THBS2: variants seen among roughly 807,000 people sequenced by gnomAD.
THBS2 encodes thrombospondin 2, also known as thrombospondin-2.
In THBS2, 47 loss-of-function variants were observed where a neutral mutation model predicts 135.2. The observed-to-expected ratio is 0.35, with a 90% CI of 0.28 to 0.44. The LOEUF (loss-of-function observed/expected upper bound fraction) is 0.44. Ranked by LOEUF, THBS2 falls within the 20% of genes least tolerant of loss-of-function variation. THBS2 has a pLI of 1.00. For synonymous variants in THBS2, 639 were observed against 633.8 expected (o/e 1.01, Z -0.12); for missense variants, 1,288 against 1,603.1 (o/e 0.80, Z 3.36).
In THBS2 at chr6:169,215,983, A is replaced by G. The variant is rs907567320; in HGVS notation, c.*1839T>C. 1 of 152,514 alleles carries G rather than the reference A, an allele frequency of 6.6e-6. No homozygotes were observed. The highest frequency in any genetic ancestry group is 1.5e-5 in the Non-Finnish European group (1 of 68,042). The allele number at this position is 152,514 out of a possible 1,614,324, so 9.4% of individuals were successfully genotyped here. A position where few individuals can be genotyped will look rare whatever the true frequency, so the allele number is the denominator to read the frequency against. On this transcript the variant is annotated 3_prime_UTR_variant, in exon 22 of 22. Transcript: ENST00000617924. ...GAAAAACATAAATAATTTACAAAAA[A>G]TATGGTACATTCTAAATACTCACAT...
chr6:169,246,718 A>G (rs1780566846), intron 3 of THBS2, among the ~76,000 whole-genome samples: 1 of 152,160 alleles, frequency 6.6e-6, no homozygotes, highest in African/African-American at 2.4e-5. Context: ...GGCCTGCAGG[A>G]GCGCCTTCCG....
intron 20 of THBS2, 117 bp downstream of exon 20, chr6:169,221,313 T>A (rs1452529844): frequency 1.2e-6 from 1 of 852,524 alleles, no homozygotes; most frequent in Non-Finnish European, 1.9e-6. Flanking sequence ...TGACGAAGAA[T>A]CCAGAGTAAA....
At chr6:169,218,232 GTGGC>G (rs976862000) in intron 21 of THBS2, among the ~76,000 whole-genome samples, 6 of 145,192 alleles carry the variant, frequency 4.1e-5, no homozygotes, top group Admixed American at 3.4e-4. Context: ...AGATGGTTGG[GTGGC>G]TGGATGAGAT....
chr6:169,232,535 G>A (rs759610698), intron 12 of THBS2, 129 bp downstream of exon 12: 90 of 1,444,920 alleles, frequency 6.2e-5, no homozygotes, highest in Non-Finnish European at 7.7e-5. Flanking sequence ...CAGCTTCCCC[G>A]GGCCAGCCCC....
Position 169,248,603 on chromosome 6 carries a change from G to C in THBS2, c.423C>G (p.Asp141Glu), listed in dbSNP as rs373775267. The change falls in exon 3 of 22, where the codon GAC becomes GAG. Residue 141 changes from aspartate (D) to glutamate (E), a missense_variant. Physicochemically the swap from Asp to Glu is conservative, Grantham distance 45. Around this residue, in one of 2 missense-constraint regions of THBS2, gnomAD observed 414 missense variants for 447.0 expected, o/e 0.93. Coordinates refer to ENST00000617924, the MANE Select transcript of THBS2 (RefSeq NM_003247.5). The part of the protein sequence containing the change: ...DGTRHVVSLE[D>E]VGLADSQWKN... Reference sequence around the variant, plus strand: ...TCCACTGCGAGTCAGCCAGGCCGACGTCCTCCAGGGAGACCACATGCCGGG... The same window carrying C: ...TCCACTGCGAGTCAGCCAGGCCGACCTCCTCCAGGGAGACCACATGCCGGG... 7.4e-6 allele frequency: 12 copies of C among 1,613,898 alleles called. No individual in the cohort carries two copies. Among genetic ancestry groups the C allele is most frequent in the East Asian group, 2.2e-5 (1 of 44,862 alleles).
intron 2 of THBS2, among the ~76,000 whole-genome samples, chr6:169,249,561 C>A (rs1780685498): frequency 6.6e-6 from 1 of 152,174 alleles, no homozygotes; most frequent in Non-Finnish European, 1.5e-5. Context: ...CTGCCTAAAA[C>A]CAGTTATGTC....
chr6:169,221,828 T>C (rs562584858), intron 19 of THBS2, among the ~76,000 whole-genome samples: 131 of 152,336 alleles, frequency 8.6e-4, no homozygotes, highest in South Asian at 3.1e-3. Context: ...TTCCTTGATA[T>C]GGGATGTTGG....
rs367576679 is a variant in THBS2, at chr6:169,228,276, G to A, written c.2265C>T (p.Asn755=). 3.1e-6 allele frequency: 5 copies of A among 1,613,972 alleles called. No individual in the cohort carries two copies. Among genetic ancestry groups the A allele is most frequent in the Non-Finnish European group, 4.2e-6 (5 of 1,180,000 alleles). Residue 755 remains asparagine (N), a synonymous_variant, in exon 15 of 22, where the codon AAC becomes AAT. Transcript: ENST00000617924. ...GGCGGGGATTGAAGAGGAGCTGGCA[G>A]TTGTCCTGGAAAACCAAGAAAGGGA... ...DNDGVTDEKD[N]CQLLFNPRQA... is the part of the protein sequence containing the mutation.
chr6:169,220,730 A>T (rs1779395030), intron 20 of THBS2, among the ~76,000 whole-genome samples: 1 of 152,164 alleles, frequency 6.6e-6, no homozygotes. Flanking sequence ...CCACTGTGGA[A>T]GCTGCGTGGG....
At position 169,232,214 on chromosome 6, in the gene THBS2, C is replaced by A. The variant is rs975150940; in HGVS notation, c.1933-16G>T. ...GCTCACACACCTACGGGGAGAAGGGCTGCGGGGTTAGCGACAGGCAGGACG... is the reference window on the plus strand; with the variant it reads ...GCTCACACACCTACGGGGAGAAGGGATGCGGGGTTAGCGACAGGCAGGACG... On this transcript the variant is annotated splice_polypyrimidine_tract_variant and intron_variant, in intron 12 of 21. Transcript: ENST00000617924. 1 of 1,610,316 alleles carries A rather than the reference C, an allele frequency of 6.2e-7. No individual in the cohort carries two copies. Among genetic ancestry groups the A allele is most frequent in the African/African-American group, 1.3e-5 (1 of 74,872 alleles).
In THBS2 at chr6:169,250,750, A is replaced by G. The variant is rs1211341211; in HGVS notation, c.35T>C (p.Val12Ala). Residue 12 changes from valine to alanine, a missense_variant, in exon 2 of 22, where the codon GTG becomes GCG. Coordinates refer to ENST00000617924, the MANE Select transcript of THBS2 (RefSeq NM_003247.5). ...VWRLVLLALW[V>A]WPSTQAGHQD... ...ACACTCACCTTGCGTGCTGGGCCAC[A>G]CCCACAGAGCCAGCAGGACCAGCCT... The G allele has an allele frequency of 6.2e-7, 1 of 1,613,700 alleles. No individual in the cohort carries two copies. The highest frequency in any genetic ancestry group is 1.1e-5 in the South Asian group (1 of 90,894).
intron 5 of THBS2, 152 bp from the exon 6 acceptor site, chr6:169,240,744 G>A: frequency 9.6e-7 from 1 of 1,045,366 alleles, no homozygotes. Context: ...TCCGGAAGTT[G>A]TCCTCCATCC....
At position 169,232,004 on chromosome 6, in the gene THBS2, G is replaced by A; in HGVS notation, c.2127C>T (p.Thr709=). The A allele has an allele frequency of 1.9e-6, 3 of 1,613,958 alleles. No individual in the cohort carries two copies. Among genetic ancestry groups the A allele is most frequent in the Non-Finnish European group, 2.5e-6 (3 of 1,179,936 alleles). The change falls in exon 13 of 22, where the codon ACC becomes ACT. Residue 709 remains threonine (T), a synonymous_variant. Transcript: ENST00000617924. ...GWPNLNLVCA[T]NATYHCIKDN... is the part of the protein sequence containing the mutation. The stretch of plus-strand genomic sequence containing the variant: ...CCTTGATGCAGTGGTAGGTGGCGTT[G>A]GTGGCGCAGACCAGATTGAGGTTGG...
chr6:169,240,725 G>A (rs1340535022), intron 5 of THBS2, 133 bp from the exon 6 acceptor site: 1 of 1,200,774 alleles, frequency 8.3e-7, no homozygotes, highest in African/African-American at 1.5e-5. Flanking sequence ...CTCATCCCTG[G>A]GTGGAAGTTC....
intron 18 of THBS2, among the ~76,000 whole-genome samples, chr6:169,222,814 AAAGAAAAAAAAAAG>A (rs1779479917): frequency 1.4e-5 from 1 of 72,448 alleles, no homozygotes; most frequent in Non-Finnish European, 2.7e-5. Context: ...AAAAGAAAAA[AAAGAAAAAAAAAAG>A]AAACAGGTTT....
rs58423957 is a variant in THBS2, at chr6:169,217,839, GAAAAA to G, written c.3512-15_3512-11del. On this transcript the variant is annotated splice_polypyrimidine_tract_variant and intron_variant, in intron 21 of 21. Coordinates refer to ENST00000617924, the MANE Select transcript of THBS2 (RefSeq NM_003247.5). ...AATCTTGTTTAAATATCTACAAAAA[GAAAAA>G]AAAAAGCAATAAACAATTAGCATAA... The G allele has an allele frequency of 6.4e-7, 1 of 1,561,290 alleles. No homozygotes were observed. Among genetic ancestry groups the G allele is most frequent in the Non-Finnish European group, 8.7e-7 (1 of 1,144,526 alleles).
At chr6:169,243,061 C>CCGCTCCCACCTTCCCAT in intron 4 of THBS2, among the ~76,000 whole-genome samples, 1 of 64,564 alleles carries the variant, frequency 1.5e-5, no homozygotes, top group Admixed American at 1.9e-4. Flanking sequence ...CACCTTCCCA[C>CCGCTCCCACCTTCCCAT]CACTCCCACC....
At chr6:169,218,874 G>A (rs1309263285) in intron 21 of THBS2, among the ~76,000 whole-genome samples, 3 of 150,904 alleles carry the variant, frequency 2.0e-5, no homozygotes, top group Non-Finnish European at 1.5e-5. Flanking sequence ...GTGCTGGGTG[G>A]ATGGATGGAT....
intron 20 of THBS2, among the ~76,000 whole-genome samples, chr6:169,220,887 A>G (rs1416372302): frequency 1.3e-5 from 2 of 151,958 alleles, no homozygotes; most frequent in Non-Finnish European, 2.9e-5. Context: ...GGACTCACAC[A>G]CTCCTGGCAT....
Sources: allele counts gnomAD v4.1 joint callset (sites outside exome capture counted in the v4.1 genomes callset), GRCh38; gene constraint gnomAD v4.1.1; regional missense constraint gnomAD v4.1.1; transcripts MANE v1.5; gene names NCBI Gene and HGNC (gene_info 2026-07-23, HGNC 2026-07-21).